DNAH8: variants seen among roughly 807,000 people sequenced by gnomAD.
The protein encoded by DNAH8 is dynein axonemal heavy chain 8, also known as axonemal beta dynein heavy chain 8.
Under a neutral mutation model 562.1 loss-of-function variants are expected in DNAH8, and 382 were observed. The ratio of observed to expected loss-of-function variants is 0.68; its 90% CI spans 0.63 to 0.74. The LOEUF (loss-of-function observed/expected upper bound fraction) is 0.74, where lower values mean the gene tolerates loss of function less well. Ranked by LOEUF, DNAH8 falls within the 30% of genes least tolerant of loss-of-function variation. DNAH8 has a pLI of 0.00. For synonymous variants in DNAH8, 1,881 were observed against 1,919.4 expected, an observed-to-expected ratio of 0.98 and a Z score of 0.52; for missense variants, 5,203 against 5,620.4, an observed-to-expected ratio of 0.93 and a Z score of 2.37.
intron 79 of DNAH8, among the ~76,000 whole-genome samples, chr6:38,943,031 C>A (rs1783586897): frequency 6.6e-6 from 1 of 152,084 alleles, no homozygotes; most frequent in South Asian, 2.1e-4. Context: ...CATTTGTGAC[C>A]CCATTTCATG....
intron 69 of DNAH8, among the ~76,000 whole-genome samples, 186 bp from the exon 70 acceptor site, chr6:38,917,739 C>T (rs1219602799): frequency 6.6e-6 from 1 of 152,162 alleles, no homozygotes; most frequent in Non-Finnish European, 1.5e-5. Context: ...TTACTCTTTC[C>T]ACATGGAATC....
chr6:38,936,620 G>T (rs1043449605), intron 77 of DNAH8, among the ~76,000 whole-genome samples: 2 of 152,114 alleles, frequency 1.3e-5, no homozygotes, highest in African/African-American at 4.8e-5. Context: ...CTGCCTACTC[G>T]CACTGCTCCC....
chr6:38,909,692 A>G lies in DNAH8; in HGVS notation c.9688A>G (p.Met3230Val), dbSNP rs773470484. Residue 3230 changes from methionine (M) to valine (V), a missense_variant, in exon 65 of 93, where the codon ATG becomes GTG. This residue lies in a region of DNAH8 where 977 missense variants were observed against 1,061.8 expected (regional missense o/e 0.92). Coordinates refer to ENST00000327475, the MANE Select transcript of DNAH8 (RefSeq NM_001206927.2). Reference protein sequence around the residue: ...SEIKRQVVETMGLFHDMVSES... With the variant: ...SEIKRQVVETVGLFHDMVSES... ...AATTAAAAGACAAGTTGTAGAAACAATGGGCCTGTTTCATGACATGGTTTC... is the reference window on the plus strand; with the variant it reads ...AATTAAAAGACAAGTTGTAGAAACAGTGGGCCTGTTTCATGACATGGTTTC... The G allele has an allele frequency of 1.9e-6, 3 of 1,614,134 alleles. No homozygotes were observed. In the Admixed American group the frequency reaches 5.0e-5, roughly 27 times the overall value.
At chr6:39,018,796 G>A (rs1766718507) in intron 91 of DNAH8, among the ~76,000 whole-genome samples, 1 of 152,198 alleles carries the variant, frequency 6.6e-6, no homozygotes, top group African/African-American at 2.4e-5. Flanking sequence ...TAGTAAGTAA[G>A]TAGTGGCAGG....
Position 38,737,879 on chromosome 6 carries a change from C to T in DNAH8, c.1023C>T (p.His341=). The T allele has an allele frequency of 6.3e-7, 1 of 1,595,846 alleles. No individual in the cohort carries two copies. Among genetic ancestry groups the T allele is most frequent in the Non-Finnish European group, 8.5e-7 (1 of 1,173,134 alleles). The change falls in exon 7 of 93, where the codon CAC becomes CAT. Residue 341 remains histidine, a synonymous_variant. Coordinates refer to ENST00000327475, the MANE Select transcript of DNAH8 (RefSeq NM_001206927.2). ...TIDNVNFSKL[H]TFEEVTAAAS... ...ACAATGTTAATTTTTCCAAACTGCA[C>T]ACCTTTGAAGAAGTAACTGCTGCAG...
chr6:38,866,970 T>C, intron 47 of DNAH8, 94 bp downstream of exon 47: 2 of 650,642 alleles, frequency 3.1e-6, no homozygotes, highest in Non-Finnish European at 5.3e-6. Flanking sequence ...TGAGTTAAAA[T>C]CTCATTGACT....
intron 81 of DNAH8, among the ~76,000 whole-genome samples, chr6:38,950,785 C>T (rs779688043): frequency 9.9e-5 from 15 of 151,290 alleles, no homozygotes; most frequent in South Asian, 8.4e-4. Context: ...TTTTTTAATC[C>T]GTCACTTAAA....
At chr6:38,853,450 T>A (rs1453990096) in intron 41 of DNAH8, 103 bp downstream of exon 41, 4 of 1,293,398 alleles carry the variant, frequency 3.1e-6, no homozygotes, top group Non-Finnish European at 4.3e-6. Context: ...ATTGTAGCTT[T>A]GAATTAGGTT....
chr6:38,755,871 T>A (rs1452787669), intron 9 of DNAH8, 101 bp from the exon 10 acceptor site: 1 of 707,566 alleles, frequency 1.4e-6, no homozygotes. Flanking sequence ...CTAAAAATGC[T>A]ATACTATTTT....
At position 38,725,216 on chromosome 6, in the gene DNAH8, TCGCTTGAA is replaced by T. The variant is rs375215684; in HGVS notation, c.525+1747_525+1754del. Among the ~76,000 whole-genome samples, 1,074 of 151,146 alleles carry T rather than the reference TCGCTTGAA, an allele frequency of 7.1e-3. 15 individuals carry two copies. The highest frequency in any genetic ancestry group is 0.024 in the African/African-American group (992 of 41,156). On this transcript the variant is annotated intron_variant, in intron 3 of 92. Transcript: ENST00000327475. Reference sequence around the variant, plus strand: ...TACTCAGGAGGCTAAGGCAGGAGGATCGCTTGAACCTGGGAGGCAGAGGTTGCAGTGAG... The same window carrying T: ...TACTCAGGAGGCTAAGGCAGGAGGATCCTGGGAGGCAGAGGTTGCAGTGAG...
chr6:39,006,889 C>A (rs1765831363), intron 88 of DNAH8, among the ~76,000 whole-genome samples: 1 of 152,014 alleles, frequency 6.6e-6, no homozygotes, highest in Non-Finnish European at 1.5e-5. Flanking sequence ...GTGTGGGGTC[C>A]CAGATTTATG....
intron 8 of DNAH8, 80 bp from the exon 9 acceptor site, chr6:38,750,396 A>T (rs1035379498): frequency 5.6e-5 from 46 of 815,146 alleles, no homozygotes; most frequent in Non-Finnish European, 8.0e-5. Context: ...ATGATTAGGG[A>T]AGACTGAATT....
At chr6:38,754,444 T>C (rs1353756255) in intron 9 of DNAH8, among the ~76,000 whole-genome samples, 1 of 152,166 alleles carries the variant, frequency 6.6e-6, no homozygotes, top group Non-Finnish European at 1.5e-5. Flanking sequence ...ATGGTGTTAA[T>C]TTCCATAAGC....
At chr6:38,734,725 T>G in intron 5 of DNAH8, 100 bp downstream of exon 5, 1 of 1,278,510 alleles carries the variant, frequency 7.8e-7, no homozygotes, top group Non-Finnish European at 1.1e-6. Flanking sequence ...AATATAGGAC[T>G]GAATTGAGTT....
intron 74 of DNAH8, among the ~76,000 whole-genome samples, chr6:38,928,585 G>A (rs186432115): frequency 5.9e-5 from 9 of 152,206 alleles, no homozygotes; most frequent in Middle Eastern, 6.8e-3. Flanking sequence ...GACAAAAGTA[G>A]GCTGATTTAA....
At chr6:38,937,311 A>G (rs994924485) in intron 77 of DNAH8, among the ~76,000 whole-genome samples, 2 of 152,088 alleles carry the variant, frequency 1.3e-5, no homozygotes, top group Non-Finnish European at 2.9e-5. Flanking sequence ...CTATGTAACA[A>G]ACCTGCACGT....
At chr6:38,841,764 CTGG>C (rs1774817028) in intron 33 of DNAH8, among the ~76,000 whole-genome samples, 1 of 151,944 alleles carries the variant, frequency 6.6e-6, no homozygotes, top group Admixed American at 6.6e-5. Flanking sequence ...GTTGCCCAGG[CTGG>C]AGTGCAGTGG....
chr6:38,927,374 G>A (rs998119108), intron 74 of DNAH8, among the ~76,000 whole-genome samples: 1 of 152,096 alleles, frequency 6.6e-6, no homozygotes, highest in Non-Finnish European at 1.5e-5. Flanking sequence ...CCCAGTGCTG[G>A]GAAGCACACC....
chr6:38,729,585 T>C (rs1322568317), intron 3 of DNAH8, among the ~76,000 whole-genome samples: 1 of 152,208 alleles, frequency 6.6e-6, no homozygotes, highest in African/African-American at 2.4e-5. Flanking sequence ...TTAAGAATAG[T>C]TTATCTTAAT....
Sources: gnomAD v4.1 joint callset for allele counts (sites outside exome capture counted in the v4.1 genomes callset) on GRCh38, gnomAD v4.1.1 for gene constraint, gnomAD v4.1.1 regional missense constraint, MANE v1.5 for transcripts, NCBI Gene and HGNC (gene_info 2026-07-23, HGNC 2026-07-21) for gene names.